Variants in BNC2 observed in about 807,000 individuals in gnomAD.
BNC2 encodes the protein basonuclin zinc finger protein 2.
BNC2 carries 20 observed loss-of-function variants against 76.3 expected under a neutral mutation model. That is an observed-to-expected ratio of 0.26 (90% CI 0.18 to 0.38). BNC2 has a LOEUF of 0.38. BNC2 is among the 10% of genes least tolerant of loss of function. The pLI is 1.00. For synonymous variants in BNC2, 582 were observed against 514.8 expected (o/e 1.13, Z -1.77); for missense variants, 1,382 against 1,399.8 (o/e 0.99, Z 0.20).
chr9:16,654,781 C>A (rs1821882121), intron 3 of BNC2, among the ~76,000 whole-genome samples: 1 of 152,046 alleles, frequency 6.6e-6, no homozygotes, highest in African/African-American at 2.4e-5. Context: ...ACAGTGTATT[C>A]TGTTCTAAAT....
In BNC2 at chr9:16,777,823, C is replaced by A. The variant is rs138223703; in HGVS notation, c.4-39338G>T. 2.1e-3 allele frequency among the ~76,000 whole-genome samples: 324 copies of A among 152,184 alleles called. 1 individual carries two copies. Among genetic ancestry groups the A allele is most frequent in the African/African-American group, 7.6e-3 (315 of 41,532 alleles). On this transcript the variant is annotated intron_variant, in intron 1 of 6. Transcript: ENST00000380672. Reference sequence around the variant, plus strand: ...ATTGGATACAACCTAAATGTCCTCCCAAAGAGAAGTGGTGACAATAAGTAT... The same window carrying A: ...ATTGGATACAACCTAAATGTCCTCCAAAAGAGAAGTGGTGACAATAAGTAT...
intron 2 of BNC2, among the ~76,000 whole-genome samples, chr9:16,729,100 CAT>C (rs1490103806): frequency 1.3e-5 from 2 of 152,246 alleles, no homozygotes; most frequent in Admixed American, 6.5e-5. Context: ...CCCTTGATAA[CAT>C]GTCGTATTTT....
intron 1 of BNC2, among the ~76,000 whole-genome samples, chr9:16,852,798 T>C (rs796487861): frequency 3.4e-5 from 5 of 145,954 alleles, no homozygotes; most frequent in African/African-American, 9.8e-5. Flanking sequence ...CCTGCAAAAG[T>C]GTGAAAAAAA....
intron 3 of BNC2, among the ~76,000 whole-genome samples, chr9:16,694,384 T>C (rs1823273318): frequency 6.6e-6 from 1 of 152,140 alleles, no homozygotes; most frequent in African/African-American, 2.4e-5. Context: ...TTCAGTAGCA[T>C]ACACAGTTTA....
At chr9:16,518,433 T>C (rs1260939819) in intron 5 of BNC2, among the ~76,000 whole-genome samples, 1 of 151,974 alleles carries the variant, frequency 6.6e-6, no homozygotes, top group Non-Finnish European at 1.5e-5. Flanking sequence ...TCTTTAAAAA[T>C]AATAATAATA....
At chr9:16,453,151 G>A (rs530198034) in intron 5 of BNC2, among the ~76,000 whole-genome samples, 2 of 152,280 alleles carry the variant, frequency 1.3e-5, no homozygotes, top group East Asian at 1.9e-4. Flanking sequence ...GCCTGAAAAT[G>A]AGCCAAGTAG....
intron 1 of BNC2, among the ~76,000 whole-genome samples, chr9:16,809,248 G>T (rs1563952910): frequency 6.6e-6 from 1 of 152,126 alleles, no homozygotes; most frequent in East Asian, 1.9e-4. Context: ...CCAAAAACAA[G>T]CCCCCTCCTG....
At chr9:16,612,342 T>C (rs938125850) in intron 3 of BNC2, among the ~76,000 whole-genome samples, 2 of 152,208 alleles carry the variant, frequency 1.3e-5, no homozygotes, top group Non-Finnish European at 1.5e-5. Flanking sequence ...TACAATACTG[T>C]ACACATGAAA....
At chr9:16,738,583 A>G in intron 1 of BNC2, 98 bp from the exon 2 acceptor site, 1 of 1,306,976 alleles carries the variant, frequency 7.7e-7, no homozygotes, top group Non-Finnish European at 1.1e-6. Context: ...AATATAACAC[A>G]CCAATGACCA....
intron 3 of BNC2, among the ~76,000 whole-genome samples, chr9:16,586,717 G>A (rs1343000624): frequency 6.6e-6 from 1 of 152,106 alleles, no homozygotes; most frequent in Admixed American, 6.6e-5. Flanking sequence ...TCACCACTAA[G>A]CAAAAACCGT....
chr9:16,444,235 T>TAC (rs146103333), intron 5 of BNC2, among the ~76,000 whole-genome samples: 3,573 of 151,696 alleles, frequency 0.024, 43 homozygotes, highest in African/African-American at 0.039. Flanking sequence ...GTATCATTCA[T>TAC]ACACACACAC....
At chr9:16,434,815 A>G (rs1434952480) in intron 6 of BNC2, 4 of 456,262 alleles carry the variant, frequency 8.8e-6, no homozygotes, top group Admixed American at 7.0e-5. Context: ...AAGTATATGC[A>G]TGCCTCCCCT....
At chr9:16,519,390 C>T (rs2132049100) in intron 5 of BNC2, among the ~76,000 whole-genome samples, 1 of 152,296 alleles carries the variant, frequency 6.6e-6, no homozygotes, top group South Asian at 2.1e-4. Context: ...GAGCTTTTAT[C>T]TCAAATCAAC....
chr9:16,755,023 C>T (rs1406143807), intron 1 of BNC2, among the ~76,000 whole-genome samples: 1 of 152,184 alleles, frequency 6.6e-6, no homozygotes, highest in Non-Finnish European at 1.5e-5. Flanking sequence ...CCACATATTG[C>T]CCACACTTAT....
At chr9:16,828,961 C>A (rs1386713220) in intron 1 of BNC2, among the ~76,000 whole-genome samples, 2 of 134,706 alleles carry the variant, frequency 1.5e-5, no homozygotes, top group Non-Finnish European at 3.4e-5. Context: ...GAGGCTGGGG[C>A]GCGGGGGAGA....
intron 1 of BNC2, among the ~76,000 whole-genome samples, chr9:16,768,154 C>T (rs887162484): frequency 2.0e-5 from 3 of 151,692 alleles, no homozygotes; most frequent in East Asian, 1.9e-4. Context: ...TTAGTAAAGT[C>T]GGGGTTTCAC....
At chr9:16,694,011 C>G (rs1823261302) in intron 3 of BNC2, among the ~76,000 whole-genome samples, 1 of 152,212 alleles carries the variant, frequency 6.6e-6, no homozygotes, top group African/African-American at 2.4e-5. Flanking sequence ...AAGAGACTGC[C>G]TTCAAGTAAT....
chr9:16,614,520 T>C (rs1468643920), intron 3 of BNC2, among the ~76,000 whole-genome samples: 2 of 150,826 alleles, frequency 1.3e-5, no homozygotes, highest in Non-Finnish European at 3.0e-5. Context: ...TTCACTATCA[T>C]GGTAAAATGC....
At chr9:16,576,823 C>T (rs75709462) in intron 4 of BNC2, among the ~76,000 whole-genome samples, 4,861 of 152,310 alleles carry the variant, frequency 0.032, 290 homozygotes, top group East Asian at 0.22. Flanking sequence ...CTGCAACCTC[C>T]ACCTCCTGGG....
Sources: gnomAD v4.1 joint callset for allele counts (sites outside exome capture counted in the v4.1 genomes callset) on GRCh38, gnomAD v4.1.1 for gene constraint, MANE v1.5 for transcripts, NCBI Gene and HGNC (gene_info 2026-07-23, HGNC 2026-07-21) for gene names.